Variants in ACAP2 observed in about 807,000 individuals in gnomAD.
ACAP2 encodes the protein ArfGAP with coiled-coil, ankyrin repeat and PH domains 2.
In ACAP2, 39 loss-of-function variants were observed where a neutral mutation model predicts 115.8. The observed-to-expected ratio is 0.34, with a 90% CI of 0.26 to 0.44. The LOEUF is 0.44. Among genes scored for constraint, ACAP2 ranks in the 20% least tolerant of loss-of-function variants. ACAP2 has a pLI of 1.00. For synonymous variants in ACAP2, 289 were observed against 315.8 expected (o/e 0.92, Z 0.90); for missense variants, 662 against 927.6 (o/e 0.71, Z 3.72).
At chr3:195,407,200 TAA>T (rs10576564) in intron 1 of ACAP2, among the ~76,000 whole-genome samples, 40,328 of 142,922 alleles carry the variant, frequency 0.28, 6,208 homozygotes, top group East Asian at 0.71. Flanking sequence ...ATTTTTAGTT[TAA>T]AAAAAAAAAA....
intron 8 of ACAP2, among the ~76,000 whole-genome samples, chr3:195,327,755 C>G (rs1455335293): frequency 3.3e-5 from 5 of 151,992 alleles, no homozygotes; most frequent in Admixed American, 3.3e-4. Context: ...CATAGAGAAA[C>G]CCCGTCTCTC....
At chr3:195,336,770 C>CA in intron 7 of ACAP2, 162 bp downstream of exon 7, 1 of 642,742 alleles carries the variant, frequency 1.6e-6, no homozygotes, top group East Asian at 2.9e-5. Context: ...ATGAAGGAGA[C>CA]AAAAAGAAGT....
In ACAP2 at chr3:195,333,064, A is replaced by C; in HGVS notation, c.633T>G (p.Ser211Arg). The C allele has an allele frequency of 6.2e-7, 1 of 1,611,226 alleles. No homozygotes were observed. The highest frequency in any genetic ancestry group is 8.5e-7 in the Non-Finnish European group (1 of 1,178,742). The change falls in exon 8 of 23, where the codon AGT becomes AGG. Residue 211 changes from serine (S) to arginine (R), a missense_variant. Coordinates refer to ENST00000326793, the MANE Select transcript of ACAP2 (RefSeq NM_012287.6). Reference protein sequence around the residue: ...AFFHQGYDLFSELGPYMKDLG... With the variant: ...AFFHQGYDLFRELGPYMKDLG... ...GATCCTTCATGTAGGGTCCAAGTTC[A>C]CTAAACAGATCATATCCTTGATGAA...
At chr3:195,430,398 C>T (rs1363908302) in intron 1 of ACAP2, among the ~76,000 whole-genome samples, 2 of 151,902 alleles carry the variant, frequency 1.3e-5, no homozygotes, top group Non-Finnish European at 2.9e-5. Context: ...GAATTCTATA[C>T]TCTCTGAGAT....
At chr3:195,312,003 A>G (rs1308789715) in intron 10 of ACAP2, among the ~76,000 whole-genome samples, 1 of 150,596 alleles carries the variant, frequency 6.6e-6, no homozygotes, top group African/African-American at 2.4e-5. Context: ...ATTATTAAAT[A>G]TTATTAATAT....
intron 1 of ACAP2, among the ~76,000 whole-genome samples, chr3:195,404,256 T>C (rs903732471): frequency 2.0e-5 from 3 of 152,178 alleles, no homozygotes; most frequent in Non-Finnish European, 2.9e-5. Flanking sequence ...TAATCAAGTA[T>C]GTCAAAAGCT....
At chr3:195,327,150 A>G (rs1181656047) in intron 8 of ACAP2, among the ~76,000 whole-genome samples, 191 bp from the exon 9 acceptor site, 4 of 152,216 alleles carry the variant, frequency 2.6e-5, no homozygotes, top group Non-Finnish European at 4.4e-5. Flanking sequence ...GAGAAGATCC[A>G]TATCTCCACT....
chr3:195,307,136 A>G, intron 12 of ACAP2, 87 bp downstream of exon 12: 2 of 1,059,264 alleles, frequency 1.9e-6, no homozygotes, highest in South Asian at 1.5e-5. Context: ...AGATACAGAC[A>G]AATGCAAATT....
intron 4 of ACAP2, among the ~76,000 whole-genome samples, chr3:195,357,318 G>A (rs568821762): frequency 6.6e-6 from 1 of 152,208 alleles, no homozygotes; most frequent in African/African-American, 2.4e-5. Flanking sequence ...CAGTGCCAGG[G>A]AAATTTCTAA....
chr3:195,358,759 A>G (rs555957031), intron 4 of ACAP2, among the ~76,000 whole-genome samples: 2 of 152,298 alleles, frequency 1.3e-5, no homozygotes, highest in East Asian at 3.9e-4. Context: ...TAAGGTAGAA[A>G]GAGAGAAATA....
At chr3:195,398,335 A>G (rs137949978) in intron 1 of ACAP2, among the ~76,000 whole-genome samples, 1 of 152,344 alleles carries the variant, frequency 6.6e-6, no homozygotes, top group Non-Finnish European at 1.5e-5. Context: ...TATTTGTTAC[A>G]TAATAACCTT....
At chr3:195,311,057 C>T (rs1037050320) in intron 10 of ACAP2, among the ~76,000 whole-genome samples, 1 of 150,950 alleles carries the variant, frequency 6.6e-6, no homozygotes, top group Non-Finnish European at 1.5e-5. Flanking sequence ...ATAGAATAAT[C>T]CTAGTTGTTA....
At chr3:195,356,587 TGAGAA>T (rs1731987707) in intron 4 of ACAP2, among the ~76,000 whole-genome samples, 4 of 152,008 alleles carry the variant, frequency 2.6e-5, no homozygotes, top group Admixed American at 6.6e-5. Context: ...TCCTTCTCCT[TGAGAA>T]GAGGAGAGGA....
chr3:195,325,414 A>C (rs1477320463), intron 9 of ACAP2: 8 of 321,588 alleles, frequency 2.5e-5, no homozygotes, highest in Non-Finnish European at 4.0e-5. Context: ...TAGTGGACTG[A>C]TTTTTTTTTT....
At chr3:195,420,777 G>A (rs1289168202) in intron 1 of ACAP2, among the ~76,000 whole-genome samples, 3 of 151,972 alleles carry the variant, frequency 2.0e-5, no homozygotes, top group Non-Finnish European at 4.4e-5. Flanking sequence ...CAAGTAGAAG[G>A]GATTACGGGC....
At chr3:195,436,155 G>T in intron 1 of ACAP2, among the ~76,000 whole-genome samples, 1 of 144,612 alleles carries the variant, frequency 6.9e-6, no homozygotes, top group East Asian at 2.1e-4. Context: ...TGGAGACAAA[G>T]TCCCACTGTC....
intron 1 of ACAP2, chr3:195,419,359 T>A (rs758896114): frequency 6.6e-6 from 1 of 152,166 alleles, no homozygotes; most frequent in African/African-American, 2.4e-5. Flanking sequence ...TCCAAATACA[T>A]AGGATTTGAA....
At chr3:195,442,123 T>C (rs1278502330) in intron 1 of ACAP2, 1 of 152,350 alleles carries the variant, frequency 6.6e-6, no homozygotes, top group African/African-American at 2.4e-5. Context: ...TCAACGAGCT[T>C]AAGTGGAAAG....
intron 1 of ACAP2, among the ~76,000 whole-genome samples, chr3:195,436,505 A>G (rs1715552754): frequency 6.6e-6 from 1 of 151,626 alleles, no homozygotes; most frequent in Non-Finnish European, 1.5e-5. Context: ...CAGCCACTCC[A>G]CCTCTCTTTT....
Sources: gnomAD v4.1 joint callset for allele counts (sites outside exome capture counted in the v4.1 genomes callset) on GRCh38, gnomAD v4.1.1 for gene constraint, MANE v1.5 for transcripts, NCBI Gene and HGNC (gene_info 2026-07-23, HGNC 2026-07-21) for gene names.